Variants in MUC20 observed in about 807,000 individuals in gnomAD.
The protein encoded by MUC20 is mucin 20, cell surface associated, also known as mucin-20.
A neutral mutation model predicts 23.8 loss-of-function variants in MUC20; 14 were observed. The ratio of observed to expected loss-of-function variants is 0.59; its 90% CI spans 0.39 to 0.92. The LOEUF (loss-of-function observed/expected upper bound fraction) is 0.92, where lower values mean the gene tolerates loss of function less well. Ranked by LOEUF, MUC20 falls within the 40% of genes least tolerant of loss-of-function variation. The pLI is 0.00. For synonymous variants in MUC20, 166 were observed against 279.3 expected, an observed-to-expected ratio of 0.59 and a Z score of 4.04; for missense variants, 375 against 668.8, an observed-to-expected ratio of 0.56 and a Z score of 4.85.
At chr3:195,721,432 G>C (rs57890979) in intron 1 of MUC20, among the ~76,000 whole-genome samples, 2 of 151,750 alleles carry the variant, frequency 1.3e-5, no homozygotes, top group East Asian at 1.9e-4. Flanking sequence ...GGCACGGAGC[G>C]GGGGTGCAGG....
In MUC20 at chr3:195,725,654, T is replaced by G; in HGVS notation, c.1051T>G (p.Ser351Ala). 1.5e-5 allele frequency: 2 copies of G among 136,996 alleles called. 1 individual carries two copies. The highest frequency in any genetic ancestry group is 2.6e-5 in the Non-Finnish European group (2 of 76,190). 8.5% of individuals were successfully genotyped at this position (136,996 alleles called of 1,614,324 possible). ...PSRASESSASSDGLHPVITPS... is the reference protein window; with the variant it reads ...PSRASESSASADGLHPVITPS... ...ACGGGCCTCAGAGAGCAGCGCCTCT[T>G]CCGACGGCCTCCATCCAGTCATCAC... is the stretch of plus-strand genomic sequence containing the variant. Residue 351 changes from serine (S) to alanine (A), a missense_variant, in exon 2 of 4, where the codon TCC becomes GCC. Coordinates refer to ENST00000447234, the MANE Select transcript of MUC20 (RefSeq NM_001282506.2).
rs952672497 is a variant in MUC20 at position 195,733,097 on chromosome 3, C to T, written c.2062-53C>T. 25 of 1,543,592 alleles carry T rather than the reference C, an allele frequency of 1.6e-5. 1 individual carries two copies. Among genetic ancestry groups the T allele is most frequent in the South Asian group, 3.6e-5 (3 of 83,764 alleles). On this transcript the variant is annotated intron_variant, in intron 3 of 3. Coordinates refer to ENST00000447234, the MANE Select transcript of MUC20 (RefSeq NM_001282506.2). ...GTCCCTTCCTGTCCTCTGCCTCTGGCGAGCTCATGGGCCAGATGGGCTGAA... is the reference window on the plus strand; with the variant it reads ...GTCCCTTCCTGTCCTCTGCCTCTGGTGAGCTCATGGGCCAGATGGGCTGAA...
In MUC20 at chr3:195,733,465, G is replaced by T; in HGVS notation, c.*247G>T. Reference sequence around the variant, plus strand: ...CAGAGGTGTCCTTGGACTCACCTTGGCACATGTTCTGTGTTTCAGTAAAGA... The same window carrying T: ...CAGAGGTGTCCTTGGACTCACCTTGTCACATGTTCTGTGTTTCAGTAAAGA... On this transcript the variant is annotated 3_prime_UTR_variant, in exon 4 of 4. Transcript: ENST00000447234. 1 of 1,411,842 alleles carries T rather than the reference G, an allele frequency of 7.1e-7. No individual in the cohort carries two copies. The highest frequency in any genetic ancestry group is 9.2e-7 in the Non-Finnish European group (1 of 1,087,348). The allele number at this position is 1,411,842 out of a possible 1,614,324, so 87.5% of individuals were successfully genotyped here. A position where few individuals can be genotyped will look rare whatever the true frequency, so the allele number is the denominator to read the frequency against.
In MUC20 at chr3:195,726,251, G is replaced by A. The variant is rs1246465880; in HGVS notation, c.1648G>A (p.Ala550Thr). 3 of 1,614,000 alleles carry A rather than the reference G, an allele frequency of 1.9e-6. No individual in the cohort carries two copies. Among genetic ancestry groups the A allele is most frequent in the Admixed American group, 1.7e-5 (1 of 60,022 alleles). Residue 550 changes from alanine to threonine, a missense_variant, in exon 2 of 4, where the codon GCT becomes ACT. By Grantham distance (58) the Ala-to-Thr change is moderately conservative (BLOSUM62 0). Around this residue, in one of 4 missense-constraint regions of MUC20, gnomAD observed 343 missense variants for 340.2 expected, o/e 1.01. Transcript: ENST00000447234. Reference sequence around the variant, plus strand: ...AAGTTACGTCAAAGTCTCAGGAGCAGCTCCGGTCTCCATAGAGGCTGGGTC... The same window carrying A: ...AAGTTACGTCAAAGTCTCAGGAGCAACTCCGGTCTCCATAGAGGCTGGGTC... ...TPSYVKVSGA[A>T]PVSIEAGSAV...
Position 195,721,472 on chromosome 3 carries a change from A to G in MUC20, c.76+389A>G, listed in dbSNP as rs1434487696. On this transcript the variant is annotated intron_variant, in intron 1 of 3. Coordinates refer to ENST00000447234, the MANE Select transcript of MUC20 (RefSeq NM_001282506.2). ...TGCCAGCTGGTGATCATTGTGCAGA[A>G]AGCTGAAGAATGTGGCTTAACAAGA... is the stretch of plus-strand genomic sequence containing the variant. Among the ~76,000 whole-genome samples the G allele has an allele frequency of 1.1e-4, 16 of 151,290 alleles. No individual in the cohort carries two copies. In the East Asian group the frequency reaches 3.1e-3, roughly 29 times the overall value.
intron 3 of MUC20, among the ~76,000 whole-genome samples, chr3:195,731,975 C>CTTTTTTGTTTTGTTTTG (rs1713433977): frequency 6.6e-6 from 1 of 151,070 alleles, no homozygotes; most frequent in Non-Finnish European, 1.5e-5. Flanking sequence ...AAGCCAATTG[C>CTTTTTTGTTTTGTTTTG]TTTTGTTTTG....
intron 2 of MUC20, chr3:195,729,417 G>T (rs1713121622): frequency 3.9e-6 from 2 of 507,202 alleles, no homozygotes; most frequent in Admixed American, 6.9e-5. Flanking sequence ...CCCAGGTTCA[G>T]GCGATTCTCC....
intron 3 of MUC20, among the ~76,000 whole-genome samples, chr3:195,731,659 G>A (rs1315999489): frequency 6.6e-6 from 1 of 152,266 alleles, no homozygotes; most frequent in Non-Finnish European, 1.5e-5. Flanking sequence ...ATTCACATAG[G>A]TTCTCGCTGC....
At chr3:195,728,333 G>A (rs927557646) in intron 2 of MUC20, among the ~76,000 whole-genome samples, 2 of 152,278 alleles carry the variant, frequency 1.3e-5, no homozygotes, top group Admixed American at 1.3e-4. Context: ...AGAGCAGGGT[G>A]ATAATAAGGA....
intron 3 of MUC20, among the ~76,000 whole-genome samples, chr3:195,731,443 TA>T (rs1713379193): frequency 6.6e-6 from 1 of 152,190 alleles, no homozygotes; most frequent in African/African-American, 2.4e-5. Context: ...CTGTCGTAAG[TA>T]AAAGGGGGAT....
chr3:195,729,209 C>T (rs1168145208), intron 2 of MUC20: 1 of 176,540 alleles, frequency 5.7e-6, no homozygotes, highest in Non-Finnish European at 1.2e-5. Flanking sequence ...TGCCCCCACC[C>T]AGTTCTCTCC....
chr3:195,728,405 T>G (rs1476520677), intron 2 of MUC20, among the ~76,000 whole-genome samples: 1 of 152,290 alleles, frequency 6.6e-6, no homozygotes, highest in Non-Finnish European at 1.5e-5. Context: ...CAAGGGAAGA[T>G]ACTATGCCTG....
chr3:195,722,737 A>G (rs1177197786), intron 1 of MUC20: 1 of 956,342 alleles, frequency 1.0e-6, no homozygotes, highest in Non-Finnish European at 1.2e-6. Context: ...GGCTGGACCA[A>G]GAAGGCTCAA....
At chr3:195,728,556 G>A (rs1268232246) in intron 2 of MUC20, among the ~76,000 whole-genome samples, 1 of 152,238 alleles carries the variant, frequency 6.6e-6, no homozygotes. Flanking sequence ...TTGAACAAAT[G>A]TACAATCGGG....
At position 195,722,139 on chromosome 3, in the gene MUC20, C is replaced by T. The variant is rs1712189897; in HGVS notation, c.76+1056C>T. 5 of 636,212 alleles carry T rather than the reference C, an allele frequency of 7.9e-6. No individual in the cohort carries two copies. The South Asian group carries it at 3.7e-4, about 46-fold the overall frequency. The allele number at this position is 636,212 out of a possible 1,614,324, so 39.4% of individuals were successfully genotyped here. A position where few individuals can be genotyped will look rare whatever the true frequency, so the allele number is the denominator to read the frequency against. Reference sequence around the variant, plus strand: ...TGGCACATTTGATAGGACTGAGGAACCTACTTTGATGCATCATTATCATAC... The same window carrying T: ...TGGCACATTTGATAGGACTGAGGAATCTACTTTGATGCATCATTATCATAC... On this transcript the variant is annotated intron_variant, in intron 1 of 3. Transcript: ENST00000447234.
chr3:195,731,327 G>A (rs1346256628), intron 3 of MUC20, among the ~76,000 whole-genome samples: 1 of 152,218 alleles, frequency 6.6e-6, no homozygotes, highest in Non-Finnish European at 1.5e-5. Flanking sequence ...CAGGTGTAGA[G>A]TTCATAGCCA....
intron 2 of MUC20, among the ~76,000 whole-genome samples, chr3:195,728,465 CAGAGT>C (rs1247343402): frequency 3.6e-4 from 55 of 152,282 alleles, no homozygotes; most frequent in African/African-American, 1.3e-3. Flanking sequence ...AACATCTCAG[CAGAGT>C]AAAGAATAAT....
rs535918118 is a variant in MUC20 at position 195,729,543 on chromosome 3, C to T, written c.1970-105C>T. 1,277 of 1,090,790 alleles carry T rather than the reference C, an allele frequency of 1.2e-3. 4 individuals are homozygous for T. The highest frequency in any genetic ancestry group is 1.5e-3 in the Non-Finnish European group (1,123 of 746,456). 67.6% of individuals were successfully genotyped at this position (1,090,790 alleles called of 1,614,324 possible). A position where few individuals can be genotyped will look rare whatever the true frequency, so the allele number is the denominator to read the frequency against. Reference sequence around the variant, plus strand: ...GTTGGTCAGGCTGGTCTCAAACTCCCGATCTCAGGTGATCCACCTGCCTCT... The same window carrying T: ...GTTGGTCAGGCTGGTCTCAAACTCCTGATCTCAGGTGATCCACCTGCCTCT... On this transcript the variant is annotated intron_variant, in intron 2 of 3. Coordinates refer to ENST00000447234, the MANE Select transcript of MUC20 (RefSeq NM_001282506.2).
intron 2 of MUC20, among the ~76,000 whole-genome samples, chr3:195,727,983 G>A (rs1339998244): frequency 2.6e-5 from 4 of 152,214 alleles, no homozygotes; most frequent in African/African-American, 7.2e-5. Flanking sequence ...CAGGCAGTGT[G>A]CCACCAGCTT....
Sources: allele counts gnomAD v4.1 joint callset (sites outside exome capture counted in the v4.1 genomes callset), GRCh38; gene constraint gnomAD v4.1.1; regional missense constraint gnomAD v4.1.1; transcripts MANE v1.5; gene names NCBI Gene and HGNC (gene_info 2026-07-23, HGNC 2026-07-21).